The following CEP350 variants were observed in gnomAD, a reference collection of about 807,000 sequenced individuals.
The protein encoded by CEP350 is centrosome-associated protein 350.
A neutral mutation model predicts 331.8 loss-of-function variants in CEP350; 126 were observed. That is an observed-to-expected ratio of 0.38 (90% CI 0.33 to 0.44). The LOEUF (loss-of-function observed/expected upper bound fraction) is 0.44, where lower values mean the gene tolerates loss of function less well. CEP350 is among the 20% of genes least tolerant of loss of function. The pLI, the probability that CEP350 is intolerant of heterozygous loss-of-function variation, is 1.00. For missense variants in CEP350, 3,406 were observed against 3,634.6 expected, an observed-to-expected ratio of 0.94 and a Z score of 1.62; for synonymous variants, 1,200 against 1,259.5, an observed-to-expected ratio of 0.95 and a Z score of 1.00.
intron 27 of CEP350, chr1:180,073,971 T>G (rs1199978461): frequency 4.5e-5 from 57 of 1,273,392 alleles, no homozygotes; most frequent in Admixed American, 9.7e-5. Context: ...TTTGTTTGTT[T>G]TGTTTGCTTT....
rs1027292647 is a variant in CEP350, at chr1:180,016,619, A to G, written c.2174+649A>G. Among the ~76,000 whole-genome samples, 5 of 151,544 alleles carry G rather than the reference A, an allele frequency of 3.3e-5. No homozygotes were observed. The South Asian group carries it at 1.0e-3, about 32-fold the overall frequency. ...AAAGATTTTGAAACTCTTTGAGAACACGTAAATAGAAATCAAAATCACTAT... is the reference window on the plus strand; with the variant it reads ...AAAGATTTTGAAACTCTTTGAGAACGCGTAAATAGAAATCAAAATCACTAT... On this transcript the variant is annotated intron_variant, in intron 11 of 37. Coordinates refer to ENST00000367607, the MANE Select transcript of CEP350 (RefSeq NM_014810.5).
intron 37 of CEP350, among the ~76,000 whole-genome samples, chr1:180,103,569 T>C (rs1248881380): frequency 6.6e-6 from 1 of 151,716 alleles, no homozygotes; most frequent in Non-Finnish European, 1.5e-5. Context: ...CCATTTAAGA[T>C]TGTGTGTGTG....
intron 15 of CEP350, among the ~76,000 whole-genome samples, chr1:180,032,099 CT>C (rs1558114606): frequency 1.3e-5 from 2 of 152,018 alleles, no homozygotes; most frequent in Non-Finnish European, 2.9e-5. Context: ...TTTTTCTCTT[CT>C]TTCTAATATT....
rs1456512004 is a variant in CEP350, at chr1:180,077,962, A to G, written c.5768-501A>G. On this transcript the variant is annotated intron_variant, in intron 28 of 37. Coordinates refer to ENST00000367607, the MANE Select transcript of CEP350 (RefSeq NM_014810.5). ...AGCCTGGCCGCCATGGTGAAACCCC[A>G]TCTCTACTAAAAAGACAAAAATTAG... is the stretch of plus-strand genomic sequence containing the variant. Among the ~76,000 whole-genome samples the G allele has an allele frequency of 2.0e-5, 3 of 152,078 alleles. No individual in the cohort carries two copies. The East Asian group carries it at 5.8e-4, about 29-fold the overall frequency.
Position 180,033,835 on chromosome 1 carries a change from A to G in CEP350, c.3726-27A>G, listed in dbSNP as rs781336333. On this transcript the variant is annotated intron_variant, in intron 15 of 37. Coordinates refer to ENST00000367607, the MANE Select transcript of CEP350 (RefSeq NM_014810.5). ...TTTACAAAGTACTTTTCCTTCCTCT[A>G]ATGTTTTTGTGGATCAAAACTTCTA... 9 of 1,602,978 alleles carry G rather than the reference A, an allele frequency of 5.6e-6. No individual in the cohort carries two copies. In the Middle Eastern group the frequency reaches 5.0e-4, roughly 89 times the overall value.
chr1:180,010,006 A>G (rs1022445199), intron 8 of CEP350, among the ~76,000 whole-genome samples: 6 of 152,092 alleles, frequency 3.9e-5, no homozygotes, highest in African/African-American at 7.2e-5. Flanking sequence ...AGATAAAACC[A>G]CTATCCAGAC....
At position 180,020,193 on chromosome 1, in the gene CEP350, A is replaced by G. The variant is rs554477532; in HGVS notation, c.2419A>G (p.Thr807Ala). Residue 807 changes from threonine to alanine, a missense_variant, in exon 12 of 38, where the codon ACA (threonine) becomes GCA (alanine). Coordinates refer to ENST00000367607, the MANE Select transcript of CEP350 (RefSeq NM_014810.5). ...QPYVTSPAAY[T>A]DALLKPSASQ... is the part of the protein sequence containing the mutation. The stretch of plus-strand genomic sequence containing the variant: ...ATATGTGACCTCACCAGCTGCTTAT[A>G]CAGATGCCTTGTTAAAACCTAGTGC... The G allele has an allele frequency of 2.3e-5, 37 of 1,614,022 alleles. No homozygotes were observed. The East Asian group carries it at 4.5e-4, about 19-fold the overall frequency.
rs767877273 is a variant in CEP350, at chr1:180,041,149, A to G, written c.4122A>G (p.Gln1374=). 6.3e-7 allele frequency: 1 copy of G among 1,592,388 alleles called. No homozygotes were observed. Among genetic ancestry groups the G allele is most frequent in the Non-Finnish European group, 8.6e-7 (1 of 1,169,354 alleles). Reference sequence around the variant, plus strand: ...CCATTATTTTGAAGGCACAACAGCAACGCCATGAAAGAGACTTGGCCCTCT... The same window carrying G: ...CCATTATTTTGAAGGCACAACAGCAGCGCCATGAAAGAGACTTGGCCCTCT... ...SLAQIIKAQQ[Q]RHERDLALLK... is the part of the protein sequence containing the mutation. The change falls in exon 18 of 38, where the codon CAA becomes CAG. Residue 1374 remains glutamine (Q), a synonymous_variant. Coordinates refer to ENST00000367607, the MANE Select transcript of CEP350 (RefSeq NM_014810.5).
intron 9 of CEP350, among the ~76,000 whole-genome samples, chr1:180,012,428 A>C (rs1465944935): frequency 6.6e-6 from 1 of 152,210 alleles, no homozygotes; most frequent in Non-Finnish European, 1.5e-5. Context: ...ACAAACATTC[A>C]CAAGGTTGGA....
chr1:180,004,898 G>GCTTTCTTTCTTTCTTTCTTTCTTT (rs1491096254), intron 7 of CEP350, among the ~76,000 whole-genome samples: 2 of 121,410 alleles, frequency 1.6e-5, no homozygotes, highest in African/African-American at 3.6e-5. Context: ...TTGCTTGCTT[G>GCTTTCTTTCTTTCTTTCTTTCTTT]CTTGCTTGCT....
At chr1:180,019,193 C>T (rs1304135660) in intron 11 of CEP350, among the ~76,000 whole-genome samples, 2 of 152,134 alleles carry the variant, frequency 1.3e-5, no homozygotes, top group Non-Finnish European at 2.9e-5. Context: ...TTGACATCAT[C>T]CTGTAATCTC....
At position 180,015,210 on chromosome 1, in the gene CEP350, G is replaced by GTTTATTTATTTA. The variant is rs112553202; in HGVS notation, c.2053-607_2053-596dup. Among the ~76,000 whole-genome samples, 104 of 143,568 alleles carry GTTTATTTATTTA rather than the reference G, an allele frequency of 7.2e-4. 1 individual carries two copies. Among genetic ancestry groups the GTTTATTTATTTA allele is most frequent in the Middle Eastern group, 3.5e-3 (1 of 284 alleles). 94.2% of individuals were successfully genotyped at this position (143,568 alleles called of 152,430 possible). On this transcript the variant is annotated intron_variant, in intron 10 of 37. Coordinates refer to ENST00000367607, the MANE Select transcript of CEP350 (RefSeq NM_014810.5). ...TGTGCACCACCATGCCTAGGAAATT[G>GTTTATTTATTTA]TTTATTTATTTATTTATTTATTTAT...
intron 37 of CEP350, among the ~76,000 whole-genome samples, chr1:180,106,091 A>T (rs1661124856): frequency 1.3e-5 from 2 of 152,214 alleles, no homozygotes; most frequent in African/African-American, 4.8e-5. Flanking sequence ...CAAAGTATAG[A>T]TGCTGTGGAA....
At chr1:179,986,312 A>G in intron 2 of CEP350, 58 bp downstream of exon 2, 1 of 1,257,412 alleles carries the variant, frequency 8.0e-7, no homozygotes, top group Non-Finnish European at 1.1e-6. Flanking sequence ...TGTGTATTAA[A>G]TTTTGGTCTA....
At position 180,019,978 on chromosome 1, in the gene CEP350, A is replaced by C; in HGVS notation, c.2204A>C (p.Gln735Pro). 1 of 1,610,174 alleles carries C rather than the reference A, an allele frequency of 6.2e-7. No individual in the cohort carries two copies. Among genetic ancestry groups the C allele is most frequent in the Non-Finnish European group, 8.5e-7 (1 of 1,178,320 alleles). ...RKDLMESTWM[Q>P]PERLSPQVHH... is the part of the protein sequence containing the mutation. ...GACTTGATGGAATCTACATGGATGC[A>C]GCCTGAAAGATTGAGCCCACAAGTT... The change falls in exon 12 of 38, where the codon CAG (glutamine) becomes CCG (proline). Residue 735 changes from glutamine to proline, a missense_variant. Physicochemically the swap from Gln to Pro is moderately conservative, Grantham distance 76. Coordinates refer to ENST00000367607, the MANE Select transcript of CEP350 (RefSeq NM_014810.5).
rs1419014763 is a variant in CEP350 at position 180,047,872 on chromosome 1, A to C, written c.4623-664A>C. ...GAAACAAGGAAAGCTTGTTAGAGAG[A>C]TGGGAAAAGCAGGTGAGAGTAAAAT... On this transcript the variant is annotated intron_variant, in intron 21 of 37. Transcript: ENST00000367607. Among the ~76,000 whole-genome samples the C allele has an allele frequency of 2.0e-5, 3 of 152,148 alleles. No individual in the cohort carries two copies. The East Asian group carries it at 5.8e-4, about 29-fold the overall frequency.
rs532674999 is a variant in CEP350, at chr1:179,970,912, A to G, written c.-13-15257A>G. Among the ~76,000 whole-genome samples the G allele has an allele frequency of 6.6e-5, 10 of 152,326 alleles. No homozygotes were observed. In the East Asian group the frequency reaches 1.9e-3, roughly 29 times the overall value. ...TGGAAGACTCAAAAAGATTTTGTTC[A>G]TGTGGGATTTATCTGTTGATGTTTA... On this transcript the variant is annotated intron_variant, in intron 1 of 37. Coordinates refer to ENST00000367607, the MANE Select transcript of CEP350 (RefSeq NM_014810.5).
chr1:180,082,253 G>A (rs563130994), intron 30 of CEP350, among the ~76,000 whole-genome samples: 8 of 152,282 alleles, frequency 5.3e-5, no homozygotes, highest in African/African-American at 1.9e-4. Flanking sequence ...AAGTAGCTCT[G>A]AGGTTTCTAA....
In CEP350 at chr1:180,033,806, C is replaced by T. The variant is rs201580616; in HGVS notation, c.3726-56C>T. The T allele has an allele frequency of 1.3e-5, 20 of 1,510,524 alleles. No individual in the cohort carries two copies. In the South Asian group the frequency reaches 1.9e-4, roughly 14 times the overall value. 93.6% of individuals were successfully genotyped at this position (1,510,524 alleles called of 1,614,324 possible). On this transcript the variant is annotated intron_variant, in intron 15 of 37. Transcript: ENST00000367607. ...TATGTTGTTCTTTTGAATTATTTAGCTGGTTTACAAAGTACTTTTCCTTCC... is the reference window on the plus strand; with the variant it reads ...TATGTTGTTCTTTTGAATTATTTAGTTGGTTTACAAAGTACTTTTCCTTCC...
Sources: allele counts gnomAD v4.1 joint callset (sites outside exome capture counted in the v4.1 genomes callset), GRCh38; gene constraint gnomAD v4.1.1; transcripts MANE v1.5; gene names NCBI Gene and HGNC (gene_info 2026-07-23, HGNC 2026-07-21).